The following LTBP1 variants were observed in gnomAD, a reference collection of about 807,000 sequenced individuals.
LTBP1 encodes latent-transforming growth factor beta-binding protein 1.
A neutral mutation model predicts 207.6 loss-of-function variants in LTBP1; 129 were observed. The observed-to-expected ratio is 0.62, with a 90% CI of 0.54 to 0.72. The LOEUF (loss-of-function observed/expected upper bound fraction) is 0.72. Ranked by LOEUF, LTBP1 falls within the 30% of genes least tolerant of loss-of-function variation. The pLI, the probability that LTBP1 is intolerant of heterozygous loss-of-function variation, is 0.00. For missense variants in LTBP1, 2,281 were observed against 2,217.2 expected, an observed-to-expected ratio of 1.03 and a Z score of -0.58; for synonymous variants, 963 against 833.7, an observed-to-expected ratio of 1.16 and a Z score of -2.67.
rs201936680 is a variant in LTBP1, at chr2:33,215,711, C to CTTTT, written c.1702-1840_1702-1837dup. ...TGGATGCTAAACTTCCATTGGTTTT[C>CTTTT]TTTTGTTTTTTGTTTTTTTTTTTTG... On this transcript the variant is annotated intron_variant, in intron 7 of 33. Coordinates refer to ENST00000404816, the MANE Select transcript of LTBP1 (RefSeq NM_206943.4). Among the ~76,000 whole-genome samples, 35 of 126,016 alleles carry CTTTT rather than the reference C, an allele frequency of 2.8e-4. 2 individuals carry two copies. The highest frequency in any genetic ancestry group is 5.0e-4 in the South Asian group (2 of 4,028). 82.7% of individuals were successfully genotyped at this position (126,016 alleles called of 152,430 possible). A position where few individuals can be genotyped will look rare whatever the true frequency, so the allele number is the denominator to read the frequency against.
chr2:33,214,953 G>C (rs1292215151), intron 7 of LTBP1, among the ~76,000 whole-genome samples: 1 of 151,906 alleles, frequency 6.6e-6, no homozygotes, highest in Admixed American at 6.6e-5. Flanking sequence ...TTATATTAGG[G>C]AAGTTCATTT....
chr2:33,376,262 G>T (rs1030149302), intron 31 of LTBP1, among the ~76,000 whole-genome samples: 2 of 152,148 alleles, frequency 1.3e-5, no homozygotes, highest in Non-Finnish European at 2.9e-5. Flanking sequence ...ATTCAGTTTT[G>T]AGTTGAAGTT....
intron 5 of LTBP1, among the ~76,000 whole-genome samples, chr2:33,182,035 A>G (rs931412001): frequency 6.6e-6 from 1 of 152,188 alleles, no homozygotes; most frequent in Admixed American, 6.5e-5. Flanking sequence ...AGAGCTTTAT[A>G]TTGTCATTTA....
At chr2:33,193,692 CT>C (rs1369605137) in intron 7 of LTBP1, among the ~76,000 whole-genome samples, 2 of 152,072 alleles carry the variant, frequency 1.3e-5, no homozygotes, top group Non-Finnish European at 2.9e-5. Context: ...ATTTCAAGAC[CT>C]TTTCATTGTT....
chr2:33,119,928 A>G lies in LTBP1; in HGVS notation c.1033+9177A>G, dbSNP rs186732858. On this transcript the variant is annotated intron_variant, in intron 4 of 33. Coordinates refer to ENST00000404816, the MANE Select transcript of LTBP1 (RefSeq NM_206943.4). ...GCTTTGTGTTATTTTCTGTGATTTTAGTTCTGCATTGTTTGTTTTTGAATA... is the reference window on the plus strand; with the variant it reads ...GCTTTGTGTTATTTTCTGTGATTTTGGTTCTGCATTGTTTGTTTTTGAATA... Among the ~76,000 whole-genome samples, 493 of 152,224 alleles carry G rather than the reference A, an allele frequency of 3.2e-3. 4 individuals carry two copies. Among genetic ancestry groups the G allele is most frequent in the African/African-American group, 0.011 (453 of 41,524 alleles).
intron 2 of LTBP1, among the ~76,000 whole-genome samples, chr2:33,003,716 A>G (rs1240251337): frequency 1.3e-5 from 2 of 152,346 alleles, no homozygotes; most frequent in South Asian, 2.1e-4. Context: ...AAGAGGCATG[A>G]AAGTTGTAAG....
rs539074447 is a variant in LTBP1 at position 33,016,647 on chromosome 2, C to G, written c.566-4262C>G. 9.9e-5 allele frequency among the ~76,000 whole-genome samples: 15 copies of G among 152,268 alleles called. No homozygotes were observed. In the South Asian group the frequency reaches 2.5e-3, roughly 25 times the overall value. On this transcript the variant is annotated intron_variant, in intron 2 of 33. Transcript: ENST00000404816. Reference sequence around the variant, plus strand: ...TGATATAGCCTCCACTCAGCCTCCACTCATCGAGCTGAACCACAGCACAGT... The same window carrying G: ...TGATATAGCCTCCACTCAGCCTCCAGTCATCGAGCTGAACCACAGCACAGT...
intron 7 of LTBP1, among the ~76,000 whole-genome samples, chr2:33,197,445 G>A (rs373604703): frequency 1.8e-4 from 28 of 152,270 alleles, no homozygotes; most frequent in Admixed American, 1.1e-3. Context: ...CTTCAAACCC[G>A]AACATTTCTG....
chr2:33,211,050 C>G (rs1254777656), intron 7 of LTBP1, among the ~76,000 whole-genome samples: 1 of 152,054 alleles, frequency 6.6e-6, no homozygotes, highest in Non-Finnish European at 1.5e-5. Flanking sequence ...ATATTTTATA[C>G]TTTATTATAT....
chr2:33,277,759 C>CT (rs1491103448), intron 18 of LTBP1, among the ~76,000 whole-genome samples: 1,291 of 72,320 alleles, frequency 0.018, 27 homozygotes, highest in Non-Finnish European at 0.031. Flanking sequence ...ATTTTTTTTT[C>CT]CCTTTCTTTC....
chr2:33,256,724 C>CTATATA (rs10529995), intron 11 of LTBP1, among the ~76,000 whole-genome samples: 38 of 68,810 alleles, frequency 5.5e-4, no homozygotes, highest in Non-Finnish European at 6.8e-4. Context: ...GGAGGGCTAA[C>CTATATA]TATATATATA....
At chr2:33,151,925 G>C (rs2083568973) in intron 5 of LTBP1, among the ~76,000 whole-genome samples, 1 of 148,288 alleles carries the variant, frequency 6.7e-6, no homozygotes, top group South Asian at 2.2e-4. Flanking sequence ...ATTTGGATTG[G>C]TTCCACAATT....
At chr2:33,329,665 A>T (rs1226663221) in intron 24 of LTBP1, among the ~76,000 whole-genome samples, 2 of 152,038 alleles carry the variant, frequency 1.3e-5, no homozygotes. Flanking sequence ...TCCCACTAAT[A>T]TGAATTTTTT....
At chr2:33,250,136 G>A (rs1416462507) in intron 10 of LTBP1, among the ~76,000 whole-genome samples, 1 of 152,134 alleles carries the variant, frequency 6.6e-6, no homozygotes, top group African/African-American at 2.4e-5. Flanking sequence ...AAATACTAGA[G>A]ATGTTTAATA....
intron 11 of LTBP1, among the ~76,000 whole-genome samples, 176 bp from the exon 12 acceptor site, chr2:33,257,108 A>G (rs2092884188): frequency 6.6e-6 from 1 of 152,108 alleles, no homozygotes; most frequent in Non-Finnish European, 1.5e-5. Context: ...TTCTTTAAAT[A>G]TGCAAGTTTA....
chr2:33,199,282 G>A (rs559823382), intron 7 of LTBP1, among the ~76,000 whole-genome samples: 5 of 152,250 alleles, frequency 3.3e-5, no homozygotes, highest in African/African-American at 1.2e-4. Flanking sequence ...TATCATTTCT[G>A]TTCTTTTACA....
At chr2:33,283,705 G>C (rs1353319839) in intron 19 of LTBP1, among the ~76,000 whole-genome samples, 1 of 152,022 alleles carries the variant, frequency 6.6e-6, no homozygotes, top group Non-Finnish European at 1.5e-5. Flanking sequence ...CAAAGTGCTG[G>C]GATTACAGGC....
At chr2:33,337,433 A>T (rs1485030146) in intron 24 of LTBP1, among the ~76,000 whole-genome samples, 1 of 152,198 alleles carries the variant, frequency 6.6e-6, no homozygotes, top group African/African-American at 2.4e-5. Flanking sequence ...TCTGACATTT[A>T]TGTAATTTTT....
intron 31 of LTBP1, among the ~76,000 whole-genome samples, chr2:33,376,580 T>C (rs760054349): frequency 6.6e-6 from 1 of 152,268 alleles, no homozygotes; most frequent in Non-Finnish European, 1.5e-5. Flanking sequence ...GCTTCCGTGC[T>C]AACGGGATCC....
Sources: gnomAD v4.1 joint callset for allele counts (sites outside exome capture counted in the v4.1 genomes callset) on GRCh38, gnomAD v4.1.1 for gene constraint, MANE v1.5 for transcripts, NCBI Gene and HGNC (gene_info 2026-07-23, HGNC 2026-07-21) for gene names.